RNF121: variants seen among roughly 807,000 people sequenced by gnomAD.
RNF121 encodes E3 ubiquitin ligase RNF121.
A neutral mutation model predicts 46.5 loss-of-function variants in RNF121; 21 were observed. The observed-to-expected ratio is 0.45, with a 90% CI of 0.32 to 0.65. The LOEUF is 0.65. Among genes scored for constraint, RNF121 ranks in the 30% least tolerant of loss-of-function variants. The pLI is 0.04. For missense variants in RNF121, 346 were observed against 416.0 expected (o/e 0.83, Z 1.46); for synonymous variants, 139 against 144.7 (o/e 0.96, Z 0.28).
chr11:71,981,224 G>A (rs964606517), intron 3 of RNF121, among the ~76,000 whole-genome samples: 2 of 137,958 alleles, frequency 1.4e-5, no homozygotes, highest in Non-Finnish European at 3.2e-5. Context: ...AATTTTTTTT[G>A]TATTTTTAGT....
chr11:71,968,888 C>CTTTTTTTTTT (rs10686485), intron 3 of RNF121, among the ~76,000 whole-genome samples: 1 of 134,644 alleles, frequency 7.4e-6, no homozygotes, highest in Admixed American at 7.8e-5. Context: ...TTCTTTCTTT[C>CTTTTTTTTTT]TTTTTTTTTT....
intron 1 of RNF121, among the ~76,000 whole-genome samples, chr11:71,941,549 A>G (rs1161630669): frequency 1.3e-5 from 2 of 152,250 alleles, no homozygotes; most frequent in East Asian, 3.8e-4. Context: ...ACAAATAAAC[A>G]GGATAACTCC....
intron 3 of RNF121, among the ~76,000 whole-genome samples, chr11:71,966,073 G>A (rs1954269207): frequency 6.6e-6 from 1 of 152,154 alleles, no homozygotes; most frequent in Admixed American, 6.5e-5. Context: ...AGGCTGGAGT[G>A]CAATGGCACA....
chr11:71,985,437 T>G (rs983877085), intron 4 of RNF121, among the ~76,000 whole-genome samples: 4 of 152,204 alleles, frequency 2.6e-5, no homozygotes, highest in Non-Finnish European at 5.9e-5. Flanking sequence ...CATATTGAGT[T>G]TTTTGACCTA....
At chr11:71,983,941 A>G (rs1565159749) in intron 4 of RNF121, among the ~76,000 whole-genome samples, 2 of 152,224 alleles carry the variant, frequency 1.3e-5, no homozygotes. Flanking sequence ...GTTTCATTGT[A>G]TAAGGTAAAA....
At chr11:71,957,055 TAAA>T (rs1055875974) in intron 1 of RNF121, among the ~76,000 whole-genome samples, 169 bp from the exon 2 acceptor site, 10 of 152,204 alleles carry the variant, frequency 6.6e-5, no homozygotes, top group Admixed American at 5.9e-4. Context: ...ACTAAGCTGT[TAAA>T]GAAGGGAGAG....
intron 3 of RNF121, among the ~76,000 whole-genome samples, chr11:71,965,171 G>T (rs567717802): frequency 8.5e-5 from 13 of 152,092 alleles, no homozygotes; most frequent in Non-Finnish European, 1.5e-4. Context: ...AGGTTCTGCG[G>T]CATTTTTCAC....
chr11:71,971,402 A>G (rs1954417427), intron 3 of RNF121, among the ~76,000 whole-genome samples: 2 of 152,290 alleles, frequency 1.3e-5, no homozygotes, highest in African/African-American at 4.8e-5. Context: ...AAGTAAATGA[A>G]CTTTTTTAAA....
At chr11:71,993,857 T>G (rs998037280) in intron 6 of RNF121, among the ~76,000 whole-genome samples, 1 of 151,490 alleles carries the variant, frequency 6.6e-6, no homozygotes, top group Non-Finnish European at 1.5e-5. Context: ...TTTTTTTTTT[T>G]TGAGATGGAG....
chr11:71,955,088 G>A (rs1388323028), intron 1 of RNF121, among the ~76,000 whole-genome samples: 15 of 152,134 alleles, frequency 9.9e-5, no homozygotes, highest in Admixed American at 9.8e-4. Context: ...CAGGACTAGG[G>A]TGAGGGAAAC....
intron 2 of RNF121, among the ~76,000 whole-genome samples, chr11:71,958,555 A>T (rs1212150075): frequency 6.6e-6 from 1 of 151,942 alleles, no homozygotes; most frequent in African/African-American, 2.4e-5. Flanking sequence ...GATTTTATTC[A>T]TTTATAAGCA....
chr11:71,994,890 C>T, intron 7 of RNF121, 38 bp downstream of exon 7: 1 of 1,613,324 alleles, frequency 6.2e-7, no homozygotes, highest in South Asian at 1.1e-5. Flanking sequence ...ATCTCTCCTG[C>T]AATCTGCACA....
rs537201158 is a variant in RNF121, at chr11:71,981,582, A to G, written c.244-1179A>G. ...GTGGTTGAGGAGGGAGTTAGGAGGC[A>G]TTGGAGAGAAGACTAGCGATGACTT... On this transcript the variant is annotated intron_variant, in intron 3 of 8. Transcript: ENST00000361756. Among the ~76,000 whole-genome samples, 24 of 152,298 alleles carry G rather than the reference A, an allele frequency of 1.6e-4. No homozygotes were observed. In the East Asian group the frequency reaches 4.2e-3, roughly 27 times the overall value.
rs573197495 is a variant in RNF121, at chr11:71,978,197, G to A, written c.244-4564G>A. The A allele has an allele frequency of 1.5e-4, 67 of 451,194 alleles. 1 individual carries two copies. Among genetic ancestry groups the A allele is most frequent in the South Asian group, 9.6e-4 (62 of 64,348 alleles). The allele number at this position is 451,194 out of a possible 1,614,324, so 27.9% of individuals were successfully genotyped here. On this transcript the variant is annotated intron_variant, in intron 3 of 8. Transcript: ENST00000361756. Reference sequence around the variant, plus strand: ...ATTACAGGAGTGAGCCACCATGCCCGGCCTACAGTAGAAATTTTAAACCAA... The same window carrying A: ...ATTACAGGAGTGAGCCACCATGCCCAGCCTACAGTAGAAATTTTAAACCAA...
intron 1 of RNF121, among the ~76,000 whole-genome samples, chr11:71,950,965 C>T (rs2134165290): frequency 6.6e-6 from 1 of 152,316 alleles, no homozygotes; most frequent in African/African-American, 2.4e-5. Context: ...TGGCCCACAC[C>T]TGTAATCCCA....
chr11:71,942,493 T>C (rs1294933024), intron 1 of RNF121, among the ~76,000 whole-genome samples: 1 of 152,002 alleles, frequency 6.6e-6, no homozygotes, highest in Non-Finnish European at 1.5e-5. Context: ...CCGGGCACAG[T>C]GGCTCACGCC....
chr11:71,987,976 G>A (rs1261929152), intron 5 of RNF121, among the ~76,000 whole-genome samples: 1 of 152,186 alleles, frequency 6.6e-6, no homozygotes, highest in Non-Finnish European at 1.5e-5. Flanking sequence ...ACTAATCACA[G>A]GTCATAAGCA....
chr11:71,934,826 G>A (rs1332176442), intron 1 of RNF121, among the ~76,000 whole-genome samples: 2 of 152,144 alleles, frequency 1.3e-5, no homozygotes, highest in African/African-American at 4.8e-5. Flanking sequence ...ATGCTTAGAA[G>A]CCTGTGTCGA....
At chr11:71,934,416 C>T (rs948867733) in intron 1 of RNF121, among the ~76,000 whole-genome samples, 3 of 152,188 alleles carry the variant, frequency 2.0e-5, no homozygotes, top group Admixed American at 6.5e-5. Context: ...GTCAGTGTTA[C>T]GTCTCCTCTT....
Sources: gnomAD v4.1 joint callset for allele counts (sites outside exome capture counted in the v4.1 genomes callset) on GRCh38, gnomAD v4.1.1 for gene constraint, MANE v1.5 for transcripts, NCBI Gene and HGNC (gene_info 2026-07-23, HGNC 2026-07-21) for gene names.